The following SLC8A1 variants were observed in gnomAD, a reference collection of about 807,000 sequenced individuals.
The protein encoded by SLC8A1 is solute carrier family 8 member A1, also known as sodium/calcium exchanger 1.
A neutral mutation model predicts 68.3 loss-of-function variants in SLC8A1; 18 were observed. The ratio of observed to expected loss-of-function variants is 0.26; its 90% CI spans 0.18 to 0.39. SLC8A1 has a LOEUF of 0.39. Ranked by LOEUF, SLC8A1 falls within the 10% of genes least tolerant of loss-of-function variation. The pLI is 1.00. For missense variants in SLC8A1, 985 were observed against 1,156.7 expected (o/e 0.85, Z 2.15); for synonymous variants, 475 against 415.5 (o/e 1.14, Z -1.74).
At chr2:40,411,258 G>C (rs1273512786) in intron 2 of SLC8A1, among the ~76,000 whole-genome samples, 1 of 152,000 alleles carries the variant, frequency 6.6e-6, no homozygotes, top group Non-Finnish European at 1.5e-5. Flanking sequence ...GTTAATAATA[G>C]CTAGCATAAC....
intron 2 of SLC8A1, among the ~76,000 whole-genome samples, chr2:40,348,607 T>C (rs1670076144): frequency 6.6e-6 from 1 of 152,220 alleles, no homozygotes; most frequent in South Asian, 2.1e-4. Flanking sequence ...AGATTTAGGC[T>C]GAGCCAGGGT....
chr2:40,309,995 GC>G (rs1343607264), intron 2 of SLC8A1, among the ~76,000 whole-genome samples: 1 of 152,022 alleles, frequency 6.6e-6, no homozygotes, highest in Non-Finnish European at 1.5e-5. Flanking sequence ...CTTCCCCTCA[GC>G]CCCTGGCAAT....
At chr2:40,327,320 G>C (rs772202210) in intron 2 of SLC8A1, among the ~76,000 whole-genome samples, 22 of 152,194 alleles carry the variant, frequency 1.4e-4, no homozygotes, top group Non-Finnish European at 3.1e-4. Flanking sequence ...GAATTGTTTT[G>C]AAAGAACTCT....
At chr2:40,499,140 T>C (rs1057098753) in intron 1 of SLC8A1, among the ~76,000 whole-genome samples, 6 of 151,996 alleles carry the variant, frequency 3.9e-5, no homozygotes, top group African/African-American at 1.4e-4. Flanking sequence ...AATCATGTTA[T>C]ATATAATCGT....
At chr2:40,103,924 A>T (rs975334604) in exon 8 of SLC8A1, 1 of 152,212 alleles carries the variant, frequency 6.6e-6, no homozygotes, top group African/African-American at 2.4e-5. Context: ...ACCCATACAC[A>T]TAAGTGGATG....
At chr2:40,288,926 C>T (rs977031957) in intron 2 of SLC8A1, among the ~76,000 whole-genome samples, 9 of 147,584 alleles carry the variant, frequency 6.1e-5, no homozygotes, top group African/African-American at 2.3e-4. Flanking sequence ...TCTCAATCTC[C>T]TAGCCTCAAG....
chr2:40,291,694 C>G (rs372426370), intron 2 of SLC8A1, among the ~76,000 whole-genome samples: 3 of 152,114 alleles, frequency 2.0e-5, no homozygotes, highest in South Asian at 4.1e-4. Flanking sequence ...CACATGATCT[C>G]AAATATTTAA....
chr2:40,160,196 G>C (rs114992755), intron 6 of SLC8A1, among the ~76,000 whole-genome samples: 1 of 152,150 alleles, frequency 6.6e-6, no homozygotes, highest in Non-Finnish European at 1.5e-5. Flanking sequence ...TTCTGACTCC[G>C]TGAGTTTGAA....
At chr2:40,238,472 G>C (rs1026498660) in intron 2 of SLC8A1, among the ~76,000 whole-genome samples, 2 of 152,084 alleles carry the variant, frequency 1.3e-5, no homozygotes, top group Non-Finnish European at 2.9e-5. Flanking sequence ...CTCGCACACG[G>C]TGCGCGCACC....
At chr2:40,181,576 T>G (rs2049573082) in intron 2 of SLC8A1, among the ~76,000 whole-genome samples, 1 of 152,188 alleles carries the variant, frequency 6.6e-6, no homozygotes, top group South Asian at 2.1e-4. Flanking sequence ...AGCCACTAAA[T>G]TATATATTGA....
chr2:40,486,817 C>T (rs567320739), intron 1 of SLC8A1, among the ~76,000 whole-genome samples: 8 of 151,074 alleles, frequency 5.3e-5, no homozygotes, highest in Admixed American at 5.3e-4. Context: ...TGGTGTGCTG[C>T]ACCTGTTAAC....
chr2:40,304,332 G>C (rs762307940), intron 2 of SLC8A1, among the ~76,000 whole-genome samples: 4 of 152,140 alleles, frequency 2.6e-5, no homozygotes, highest in Non-Finnish European at 5.9e-5. Flanking sequence ...TCAATATCCA[G>C]ATTCCAGACA....
At chr2:40,334,086 T>G (rs774635902) in intron 2 of SLC8A1, among the ~76,000 whole-genome samples, 1 of 152,148 alleles carries the variant, frequency 6.6e-6, no homozygotes, top group South Asian at 2.1e-4. Context: ...ATATGCATTA[T>G]CATGTATATC....
intron 1 of SLC8A1, among the ~76,000 whole-genome samples, chr2:40,438,264 C>T (rs1426726678): frequency 6.6e-6 from 1 of 152,074 alleles, no homozygotes; most frequent in Non-Finnish European, 1.5e-5. Context: ...GATGTTTGAC[C>T]TTAAACACTG....
In SLC8A1 at chr2:40,340,030, G is replaced by A. The variant is rs77618577; in HGVS notation, c.1808+88443C>T. ...CCACTGACTATAAGTAGTCATATGA[G>A]GCAGAATACAAATGTTCATATGCAA... On this transcript the variant is annotated intron_variant, in intron 2 of 7. Coordinates refer to ENST00000406785, the Ensembl canonical transcript of SLC8A1. Among the ~76,000 whole-genome samples the A allele has an allele frequency of 5.4e-3, 822 of 152,170 alleles. 31 individuals are homozygous for A. In the East Asian group the frequency reaches 0.094, roughly 17 times the overall value.
rs1375237161 is a variant in SLC8A1 at position 40,165,636 on chromosome 2, C to A, written c.1931-652G>T. 2.0e-5 allele frequency among the ~76,000 whole-genome samples: 3 copies of A among 152,138 alleles called. 1 individual carries two copies. Among genetic ancestry groups the A allele is most frequent in the Admixed American group, 1.3e-4 (2 of 15,276 alleles). ...TTAGGAAAACCTTGGCCATGTTAAT[C>A]TTAAAGTAAACAGGGAGGGCGAGGG... On this transcript the variant is annotated intron_variant, in intron 4 of 7. Transcript: ENST00000406785.
At chr2:40,271,709 G>C (rs571374738) in intron 2 of SLC8A1, among the ~76,000 whole-genome samples, 23 of 152,266 alleles carry the variant, frequency 1.5e-4, no homozygotes, top group African/African-American at 5.5e-4. Flanking sequence ...TAAATTCAAT[G>C]TATATTTGAT....
chr2:40,349,388 G>A (rs1670350434), intron 2 of SLC8A1, among the ~76,000 whole-genome samples: 1 of 152,170 alleles, frequency 6.6e-6, no homozygotes, highest in South Asian at 2.1e-4. Context: ...GATTTCTGTG[G>A]AAAATGTTAT....
chr2:40,239,483 C>T (rs921980034), intron 2 of SLC8A1, among the ~76,000 whole-genome samples: 5 of 152,108 alleles, frequency 3.3e-5, no homozygotes, highest in Non-Finnish European at 7.3e-5. Context: ...GATTAGGGAA[C>T]CAATGCCTAA....
Sources: allele counts gnomAD v4.1 joint callset (sites outside exome capture counted in the v4.1 genomes callset), GRCh38; gene constraint gnomAD v4.1.1; transcripts MANE v1.5; gene names NCBI Gene and HGNC (gene_info 2026-07-23, HGNC 2026-07-21).